Variants in GRM7 observed in about 807,000 individuals in gnomAD.
GRM7 encodes the protein metabotropic glutamate receptor 7.
Under a neutral mutation model 84.5 loss-of-function variants are expected in GRM7, and 35 were observed. The ratio of observed to expected loss-of-function variants is 0.41; its 90% confidence interval spans 0.32 to 0.55. The LOEUF (loss-of-function observed/expected upper bound fraction) is 0.55. Ranked by LOEUF, GRM7 falls within the 20% of genes least tolerant of loss-of-function variation. GRM7 has a pLI of 0.19. For synonymous variants in GRM7, 487 were observed against 455.1 expected, an observed-to-expected ratio of 1.07 and a Z score of -0.89; for missense variants, 1,003 against 1,194.6, an observed-to-expected ratio of 0.84 and a Z score of 2.36.
intron 1 of GRM7, among the ~76,000 whole-genome samples, chr3:7,059,096 G>A (rs1697334752): frequency 6.6e-6 from 1 of 151,758 alleles, no homozygotes; most frequent in African/African-American, 2.4e-5. Context: ...GCTTCTAAGA[G>A]AAGTTACTAT....
chr3:7,106,571 A>G (rs1692650465), intron 1 of GRM7, among the ~76,000 whole-genome samples: 1 of 152,036 alleles, frequency 6.6e-6, no homozygotes, highest in Non-Finnish European at 1.5e-5. Context: ...ACAAATGAAT[A>G]ATGGCCACAG....
At chr3:7,378,330 G>C (rs558630063) in intron 4 of GRM7, among the ~76,000 whole-genome samples, 2 of 152,168 alleles carry the variant, frequency 1.3e-5, no homozygotes, top group African/African-American at 4.8e-5. Context: ...AAACACTGAT[G>C]TTTTAAGATA....
intron 9 of GRM7, among the ~76,000 whole-genome samples, chr3:7,723,437 T>C (rs1702020568): frequency 6.6e-6 from 1 of 152,138 alleles, no homozygotes; most frequent in South Asian, 2.1e-4. Context: ...ACATCACAAG[T>C]TGTCTGGTCT....
rs1442070924 is a variant in GRM7 at position 6,861,488 on chromosome 3, G to A, written c.100G>A (p.Gly34Ser). 5 of 1,579,638 alleles carry A rather than the reference G, an allele frequency of 3.2e-6. No individual in the cohort carries two copies. The highest frequency in any genetic ancestry group is 4.3e-6 in the Non-Finnish European group (5 of 1,166,464). Residue 34 changes from glycine (G) to serine (S), a missense_variant, in exon 1 of 10, where the codon GGC becomes AGC. Physicochemically the swap from Gly to Ser is moderately conservative, Grantham distance 56. Coordinates refer to ENST00000357716, the MANE Select transcript of GRM7 (RefSeq NM_000844.4). This position sits in a 1 kb window ranked among gnomAD's most constrained non-coding sequence, Gnocchi z 6.4. ...LLCALAAAAR[G>S]QEMYAPHSIR... The stretch of plus-strand genomic sequence containing the variant: ...GTGCGCGCTGGCGGCGGCGGCGCGC[G>A]GCCAGGAGATGTACGCCCCGCACTC...
rs543060528 is a variant in GRM7 at position 6,949,490 on chromosome 3, T to G, written c.519+87583T>G. ...CTTTCTCTCTGGTTGCCCTTAACAT[T>G]TTTTCCTTCATTTCAACTTTGGTGA... On this transcript the variant is annotated intron_variant, in intron 1 of 9. Coordinates refer to ENST00000357716, the MANE Select transcript of GRM7 (RefSeq NM_000844.4). 1.3e-3 allele frequency among the ~76,000 whole-genome samples: 202 copies of G among 152,170 alleles called. 2 individuals are homozygous for G. Among genetic ancestry groups the G allele is most frequent in the African/African-American group, 4.8e-3 (199 of 41,492 alleles).
intron 1 of GRM7, among the ~76,000 whole-genome samples, chr3:7,114,841 T>C (rs917795085): frequency 1.3e-5 from 2 of 152,152 alleles, no homozygotes; most frequent in African/African-American, 4.8e-5. Flanking sequence ...GGTGTTTTCC[T>C]TTCATCGCTG....
intron 2 of GRM7, among the ~76,000 whole-genome samples, chr3:7,234,689 GTTTC>G (rs1420209764): frequency 6.6e-6 from 1 of 152,002 alleles, no homozygotes; most frequent in East Asian, 1.9e-4. Context: ...AAAGGAAATT[GTTTC>G]TTTATGTTTC....
intron 2 of GRM7, among the ~76,000 whole-genome samples, chr3:7,262,729 C>T (rs1447974399): frequency 0.021 from 1 of 48 alleles, no homozygotes; most frequent in African/African-American, 0.071. Flanking sequence ...TGGAGTCTCG[C>T]TTTGTCACAC....
rs142855068 is a variant in GRM7, at chr3:7,659,332, G to A, written c.2452-20717G>A. Reference sequence around the variant, plus strand: ...AGGGAATGTTATTGTACAGAAATATGGTCTATAGCTATGAGAGATGAGCTA... The same window carrying A: ...AGGGAATGTTATTGTACAGAAATATAGTCTATAGCTATGAGAGATGAGCTA... On this transcript the variant is annotated intron_variant, in intron 8 of 9. Coordinates refer to ENST00000357716, the MANE Select transcript of GRM7 (RefSeq NM_000844.4). 1.8e-3 allele frequency among the ~76,000 whole-genome samples: 271 copies of A among 152,226 alleles called. 2 individuals are homozygous for A. Among genetic ancestry groups the A allele is most frequent in the South Asian group, 5.6e-3 (27 of 4,818 alleles).
At chr3:7,078,010 C>T (rs984122532) in intron 1 of GRM7, among the ~76,000 whole-genome samples, 2 of 152,158 alleles carry the variant, frequency 1.3e-5, no homozygotes, top group African/African-American at 4.8e-5. Context: ...TCAACTCTGC[C>T]CTCAGGTAGC....
intron 2 of GRM7, among the ~76,000 whole-genome samples, chr3:7,264,195 G>T (rs1698548065): frequency 6.6e-6 from 1 of 152,128 alleles, no homozygotes; most frequent in Admixed American, 6.5e-5. Context: ...GGCCAGACTG[G>T]TCCCGTCTCA....
intron 2 of GRM7, among the ~76,000 whole-genome samples, chr3:7,169,388 G>T (rs1312158563): frequency 6.6e-6 from 1 of 152,170 alleles, no homozygotes; most frequent in Non-Finnish European, 1.5e-5. Context: ...AGTGCTAAGA[G>T]GAGCTGGTGT....
intron 2 of GRM7, among the ~76,000 whole-genome samples, chr3:7,290,747 A>C (rs771310622): frequency 3.0e-4 from 46 of 152,294 alleles, no homozygotes; most frequent in Admixed American, 1.1e-3. Context: ...CATGTTCCCC[A>C]AAATGCTCTC....
intron 1 of GRM7, among the ~76,000 whole-genome samples, chr3:7,054,036 T>C (rs1697115537): frequency 6.6e-6 from 1 of 150,998 alleles, no homozygotes; most frequent in East Asian, 2.0e-4. Flanking sequence ...TTTTTTCATA[T>C]GTATTCTTCA....
intron 1 of GRM7, among the ~76,000 whole-genome samples, chr3:7,058,607 G>T (rs1697315423): frequency 6.6e-6 from 1 of 151,844 alleles, no homozygotes; most frequent in African/African-American, 2.4e-5. Context: ...GTTCCTCAGT[G>T]CCATAAATAA....
At chr3:7,227,105 A>G (rs181901252) in intron 2 of GRM7, among the ~76,000 whole-genome samples, 444 of 152,338 alleles carry the variant, frequency 2.9e-3, no homozygotes, top group Non-Finnish European at 4.5e-3. Flanking sequence ...ATATTAATTA[A>G]GGTACCTCTC....
At chr3:7,114,641 C>G (rs1042197824) in intron 1 of GRM7, among the ~76,000 whole-genome samples, 1 of 152,134 alleles carries the variant, frequency 6.6e-6, no homozygotes, top group African/African-American at 2.4e-5. Flanking sequence ...CTTTTTTCCT[C>G]TGCGTACCTG....
intron 7 of GRM7, among the ~76,000 whole-genome samples, chr3:7,475,043 C>G (rs1035522058): frequency 1.3e-5 from 2 of 152,198 alleles, no homozygotes; most frequent in African/African-American, 4.8e-5. Context: ...AAATACACAA[C>G]TATTCAGTTG....
intron 1 of GRM7, among the ~76,000 whole-genome samples, chr3:6,871,998 T>C (rs1374785055): frequency 1.3e-5 from 2 of 151,878 alleles, no homozygotes; most frequent in African/African-American, 4.8e-5. Flanking sequence ...AGAGAACACA[T>C]AGTTAGCATC....
Sources: allele counts gnomAD v4.1 joint callset (sites outside exome capture counted in the v4.1 genomes callset), GRCh38; gene constraint gnomAD v4.1.1; non-coding constraint Gnocchi (gnomAD v3.1); transcripts MANE v1.5; gene names NCBI Gene and HGNC (gene_info 2026-07-23, HGNC 2026-07-21).